Variants in BTBD1 observed in about 807,000 individuals in gnomAD.
BTBD1 encodes BTB domain containing 1, also known as BTB/POZ domain-containing protein 1.
Under a neutral mutation model 48.0 loss-of-function variants are expected in BTBD1, and 34 were observed. That is an observed-to-expected ratio of 0.71 (90% CI 0.54 to 0.94). The LOEUF (loss-of-function observed/expected upper bound fraction) is 0.94. Among genes scored for constraint, BTBD1 ranks in the 40% least tolerant of loss-of-function variants. The probability of loss-of-function intolerance (pLI) is 0.00; values close to 1 mark genes in which losing one functional copy is unlikely to be tolerated. For synonymous variants in BTBD1, 261 were observed against 242.1 expected, an observed-to-expected ratio of 1.08 and a Z score of -0.72; for missense variants, 543 against 625.6, an observed-to-expected ratio of 0.87 and a Z score of 1.41.
chr15:83,046,372 A>G (rs1238373747), intron 3 of BTBD1, among the ~76,000 whole-genome samples: 1 of 152,258 alleles, frequency 6.6e-6, no homozygotes, highest in South Asian at 2.1e-4. Flanking sequence ...CAGATGTGTT[A>G]AAGTACGAAG....
intron 3 of BTBD1, among the ~76,000 whole-genome samples, chr15:83,045,781 C>A (rs907641471): frequency 1.3e-5 from 2 of 152,040 alleles, no homozygotes; most frequent in African/African-American, 4.8e-5. Context: ...CAATATGACA[C>A]AACCATTTGA....
chr15:83,049,716 A>T (rs2032942546), intron 3 of BTBD1, among the ~76,000 whole-genome samples: 1 of 152,066 alleles, frequency 6.6e-6, no homozygotes, highest in Non-Finnish European at 1.5e-5. Context: ...CTCTTCTATT[A>T]GCGTTTTAAA....
At chr15:83,051,877 T>TACAC (rs113253261) in intron 2 of BTBD1, among the ~76,000 whole-genome samples, 27 of 138,900 alleles carry the variant, frequency 1.9e-4, no homozygotes, top group Middle Eastern at 3.7e-3. Context: ...TCCATATATA[T>TACAC]ACACACACAC....
At chr15:83,033,319 G>A (rs2032560871) in intron 4 of BTBD1, among the ~76,000 whole-genome samples, 1 of 152,030 alleles carries the variant, frequency 6.6e-6, no homozygotes, top group South Asian at 2.1e-4. Context: ...ATATTGAAGA[G>A]AATTCTTCAA....
At chr15:83,021,742 A>AAATAATAATAATAAT (rs57670003) in intron 5 of BTBD1, among the ~76,000 whole-genome samples, 25,092 of 145,144 alleles carry the variant, frequency 0.17, 2,420 homozygotes, top group Non-Finnish European at 0.2. Flanking sequence ...ACTCCTTCTC[A>AAATAATAATAATAAT]AATAATAATA....
chr15:83,020,057 T>A (rs1183766059), intron 6 of BTBD1: 1 of 150,010 alleles, frequency 6.7e-6, no homozygotes, highest in African/African-American at 2.5e-5. Context: ...GGAAGATCAC[T>A]TGAGCCCTGG....
At chr15:83,065,952 T>G (rs2033261224) in intron 1 of BTBD1, among the ~76,000 whole-genome samples, 1 of 152,160 alleles carries the variant, frequency 6.6e-6, no homozygotes, top group Admixed American at 6.5e-5. Context: ...TCGTATTTAC[T>G]TTCCTGGGTC....
chr15:83,025,227 G>A (rs1055024310), intron 5 of BTBD1, among the ~76,000 whole-genome samples: 5 of 151,820 alleles, frequency 3.3e-5, no homozygotes, highest in Admixed American at 2.0e-4. Flanking sequence ...GGTGGCAGAC[G>A]CCTGTAATCC....
chr15:83,031,587 T>G (rs532784041), intron 4 of BTBD1, among the ~76,000 whole-genome samples: 1 of 152,104 alleles, frequency 6.6e-6, no homozygotes, highest in South Asian at 2.1e-4. Context: ...GTGAGAACAC[T>G]TGGACACAGG....
intron 5 of BTBD1, among the ~76,000 whole-genome samples, chr15:83,026,358 G>A (rs1246148980): frequency 6.6e-6 from 1 of 151,968 alleles, no homozygotes; most frequent in African/African-American, 2.4e-5. Context: ...TACTGGCAAG[G>A]AACTAGGGAA....
chr15:83,067,098 C>T lies in BTBD1; in HGVS notation c.54G>A (p.Ala18=). 6.7e-7 allele frequency: 1 copy of T among 1,498,744 alleles called. No individual in the cohort carries two copies. Among genetic ancestry groups the T allele is most frequent in the Non-Finnish European group, 8.8e-7 (1 of 1,131,612 alleles). The allele number at this position is 1,498,744 out of a possible 1,614,324, so 92.8% of individuals were successfully genotyped here. ...GCGGCGGCCCCGCGGGGCCCGGCTC[C>T]GCCTCAGCCCCCGACGCCTGCTCCC... is the stretch of plus-strand genomic sequence containing the variant. The part of the protein sequence containing the change: ...AAGEQASGAE[A]EPGPAGPPPP... Residue 18 remains alanine (A), a synonymous_variant, in exon 1 of 8, where the codon GCG becomes GCA. Coordinates refer to ENST00000261721, the MANE Select transcript of BTBD1 (RefSeq NM_025238.4).
chr15:83,043,337 A>G (rs2032805443), intron 3 of BTBD1, among the ~76,000 whole-genome samples: 1 of 152,092 alleles, frequency 6.6e-6, no homozygotes, highest in South Asian at 2.1e-4. Context: ...GGTGGAGTGG[A>G]GTGAGCAGGA....
Position 83,018,856 on chromosome 15 carries a change from G to A in BTBD1, c.1144-3C>T. On this transcript the variant is annotated splice_polypyrimidine_tract_variant and splice_region_variant and intron_variant, in intron 6 of 7. Transcript: ENST00000261721. ...TGCTTTTTCTCATATTCAATGATCT[G>A]TAATTTTTAAGAGACAAGTTACATT... The A allele has an allele frequency of 6.2e-7, 1 of 1,609,588 alleles. No individual in the cohort carries two copies.
At chr15:83,042,203 A>C (rs1398718344) in intron 3 of BTBD1, among the ~76,000 whole-genome samples, 1 of 151,694 alleles carries the variant, frequency 6.6e-6, no homozygotes, top group Non-Finnish European at 1.5e-5. Context: ...TTATCAAGTA[A>C]ACTCAACTAT....
chr15:83,033,331 C>T (rs1016180185), intron 4 of BTBD1, among the ~76,000 whole-genome samples: 1 of 152,050 alleles, frequency 6.6e-6, no homozygotes, highest in Admixed American at 6.5e-5. Context: ...ATTCTTCAAG[C>T]TAACAGAAAT....
In BTBD1 at chr15:83,052,797, A is replaced by ATTTTTTTT. The variant is rs398028150; in HGVS notation, c.559-2627_559-2620dup. Among the ~76,000 whole-genome samples, 70 of 94,526 alleles carry ATTTTTTTT rather than the reference A, an allele frequency of 7.4e-4. 2 individuals are homozygous for ATTTTTTTT. Among genetic ancestry groups the ATTTTTTTT allele is most frequent in the African/African-American group, 1.0e-3 (23 of 22,712 alleles). The allele number at this position is 94,526 out of a possible 152,430, so 62.0% of individuals were successfully genotyped here. A position where few individuals can be genotyped will look rare whatever the true frequency, so the allele number is the denominator to read the frequency against. ...AGGCGCCCACCACCTCGCCCGGCTA[A>ATTTTTTTT]TTTTTTTTTTTTTTTTTTTTTTTTA... On this transcript the variant is annotated intron_variant, in intron 2 of 7. Transcript: ENST00000261721.
At chr15:83,056,295 T>C in intron 2 of BTBD1, 94 bp downstream of exon 2, 3 of 745,268 alleles carry the variant, frequency 4.0e-6, no homozygotes, top group Non-Finnish European at 6.3e-6. Context: ...TTTAAAATTA[T>C]AATCTAGAAT....
chr15:83,063,121 T>C (rs951081727), intron 1 of BTBD1, among the ~76,000 whole-genome samples: 1 of 152,246 alleles, frequency 6.6e-6, no homozygotes, highest in African/African-American at 2.4e-5. Flanking sequence ...ACTTTCAGAA[T>C]ATAATGCTCC....
intron 2 of BTBD1, among the ~76,000 whole-genome samples, chr15:83,051,752 T>C (rs2032985981): frequency 6.6e-6 from 1 of 151,996 alleles, no homozygotes; most frequent in African/African-American, 2.4e-5. Context: ...ACAAATACTT[T>C]GGAATTTCAA....
Sources: allele counts gnomAD v4.1 joint callset (sites outside exome capture counted in the v4.1 genomes callset), GRCh38; gene constraint gnomAD v4.1.1; transcripts MANE v1.5; gene names NCBI Gene and HGNC (gene_info 2026-07-23, HGNC 2026-07-21).